ADGB: variants seen among roughly 807,000 people sequenced by gnomAD.
The protein encoded by ADGB is androglobin.
ADGB carries 172 observed loss-of-function variants against 210.5 expected under a neutral mutation model. That is an observed-to-expected ratio of 0.82 (90% CI 0.72 to 0.93). The LOEUF (loss-of-function observed/expected upper bound fraction) is 0.93, where lower values mean the gene tolerates loss of function less well. ADGB is among the 40% of genes least tolerant of loss of function. ADGB has a pLI of 0.00. For synonymous variants in ADGB, 658 were observed against 662.7 expected, an observed-to-expected ratio of 0.99 and a Z score of 0.11; for missense variants, 2,025 against 1,964.8, an observed-to-expected ratio of 1.03 and a Z score of -0.58.
chr6:146,676,673 G>A (rs998051292), intron 9 of ADGB, among the ~76,000 whole-genome samples: 2 of 152,204 alleles, frequency 1.3e-5, no homozygotes, highest in Admixed American at 6.6e-5. Flanking sequence ...GTATCCACAT[G>A]TGGGAGAGGC....
intron 35 of ADGB, among the ~76,000 whole-genome samples, chr6:146,811,896 G>A (rs1247718037): frequency 4.6e-5 from 7 of 151,964 alleles, no homozygotes; most frequent in Admixed American, 3.9e-4. Flanking sequence ...GGCTGATCTC[G>A]AACTCCTGAC....
At chr6:146,706,341 C>G in intron 13 of ADGB, among the ~76,000 whole-genome samples, 1 of 151,468 alleles carries the variant, frequency 6.6e-6, no homozygotes, top group South Asian at 2.1e-4. Flanking sequence ...GTCACTGCAA[C>G]CTCTGCCTCC....
At chr6:146,792,819 C>T (rs1777972155) in intron 33 of ADGB, among the ~76,000 whole-genome samples, 1 of 152,190 alleles carries the variant, frequency 6.6e-6, no homozygotes, top group Non-Finnish European at 1.5e-5. Context: ...ATTTCTCAAA[C>T]ACTTGAAAAC....
chr6:146,599,236 C>A, intron 1 of ADGB, 122 bp downstream of exon 1: 2 of 845,848 alleles, frequency 2.4e-6, no homozygotes, highest in Non-Finnish European at 3.9e-6. Flanking sequence ...CTCCTCGCAG[C>A]TTGTCTTCTC....
intron 13 of ADGB, 71 bp from the exon 14 acceptor site, chr6:146,715,311 T>C: frequency 8.1e-7 from 1 of 1,238,430 alleles, no homozygotes. Flanking sequence ...ATTAGCTCTT[T>C]TAGTAACTTT....
At chr6:146,686,787 G>T (rs1231825740) in intron 10 of ADGB, among the ~76,000 whole-genome samples, 6 of 152,092 alleles carry the variant, frequency 3.9e-5, no homozygotes, top group Non-Finnish European at 8.8e-5. Context: ...GGATTTCATA[G>T]TCTGAAGTCA....
chr6:146,702,324 G>C (rs550828858), intron 13 of ADGB, among the ~76,000 whole-genome samples: 1 of 151,912 alleles, frequency 6.6e-6, no homozygotes, highest in Non-Finnish European at 1.5e-5. Context: ...TGCTAATGTG[G>C]TGGGTATAAA....
chr6:146,812,377 C>T (rs186448035), intron 35 of ADGB, among the ~76,000 whole-genome samples: 1 of 152,202 alleles, frequency 6.6e-6, no homozygotes, highest in African/African-American at 2.4e-5. Context: ...ACATAAAACA[C>T]GAGTCACAGA....
chr6:146,626,755 A>C (rs1187822421), intron 1 of ADGB, among the ~76,000 whole-genome samples: 1 of 150,288 alleles, frequency 6.7e-6, no homozygotes, highest in Non-Finnish European at 1.5e-5. Flanking sequence ...GGTTTTTTTC[A>C]GTCTTTCTCG....
intron 13 of ADGB, 136 bp downstream of exon 13, chr6:146,701,206 A>G (rs368181895): frequency 4.9e-6 from 5 of 1,010,914 alleles, no homozygotes; most frequent in African/African-American, 3.3e-5. Context: ...GTTAAAATAA[A>G]TCTCTTATGT....
intron 9 of ADGB, among the ~76,000 whole-genome samples, chr6:146,680,616 A>G (rs1416651903): frequency 6.6e-6 from 1 of 152,126 alleles, no homozygotes; most frequent in Non-Finnish European, 1.5e-5. Flanking sequence ...TAAAACTGGA[A>G]CCTGCGACAA....
intron 18 of ADGB, chr6:146,724,989 A>G (rs978586928): frequency 1.3e-5 from 2 of 152,208 alleles, no homozygotes; most frequent in Non-Finnish European, 2.9e-5. Flanking sequence ...CCCAAGATCA[A>G]TCATGCTAAT....
chr6:146,695,878 G>C (rs918195723), intron 12 of ADGB, among the ~76,000 whole-genome samples: 1 of 151,840 alleles, frequency 6.6e-6, no homozygotes, highest in Non-Finnish European at 1.5e-5. Flanking sequence ...TAACTAAGTG[G>C]CATTTTCTTT....
chr6:146,666,493 A>G (rs991183809), intron 6 of ADGB, among the ~76,000 whole-genome samples: 1 of 152,034 alleles, frequency 6.6e-6, no homozygotes, highest in Non-Finnish European at 1.5e-5. Context: ...TAAAAGAAGT[A>G]TACAAAAATG....
chr6:146,661,093 A>T (rs543168658), intron 5 of ADGB, among the ~76,000 whole-genome samples: 1 of 152,200 alleles, frequency 6.6e-6, no homozygotes, highest in East Asian at 1.9e-4. Flanking sequence ...ATCACAGTCA[A>T]CTAGTATCAT....
rs542214081 is a variant in ADGB, at chr6:146,765,683, C to T, written c.3750+1583C>T. 1.8e-3 allele frequency among the ~76,000 whole-genome samples: 266 copies of T among 150,952 alleles called. 1 individual carries two copies. The highest frequency in any genetic ancestry group is 6.0e-3 in the African/African-American group (246 of 41,340). Reference sequence around the variant, plus strand: ...GAAATACATAAGATTCAATAACAATCCAAATTTGTAAACAACATCTAAAAT... The same window carrying T: ...GAAATACATAAGATTCAATAACAATTCAAATTTGTAAACAACATCTAAAAT... On this transcript the variant is annotated intron_variant, in intron 28 of 35. Coordinates refer to ENST00000397944, the MANE Select transcript of ADGB (RefSeq NM_024694.4).
At chr6:146,783,452 TCAC>T (rs1301959775) in intron 30 of ADGB, among the ~76,000 whole-genome samples, 3 of 152,278 alleles carry the variant, frequency 2.0e-5, no homozygotes, top group Non-Finnish European at 4.4e-5. Flanking sequence ...CTTAGTACCT[TCAC>T]AGTGCTCCCT....
chr6:146,696,755 T>C (rs1776409833), intron 12 of ADGB, among the ~76,000 whole-genome samples: 1 of 152,084 alleles, frequency 6.6e-6, no homozygotes, highest in Admixed American at 6.6e-5. Flanking sequence ...TGCAAGCTGG[T>C]GAGAGATTAA....
chr6:146,653,414 G>A (rs959483107), intron 3 of ADGB, among the ~76,000 whole-genome samples: 3 of 151,974 alleles, frequency 2.0e-5, no homozygotes, highest in Admixed American at 2.0e-4. Flanking sequence ...AAAAGGTTGG[G>A]GACCACTGTT....
Sources: allele counts gnomAD v4.1 joint callset (sites outside exome capture counted in the v4.1 genomes callset), GRCh38; gene constraint gnomAD v4.1.1; transcripts MANE v1.5; gene names NCBI Gene and HGNC (gene_info 2026-07-23, HGNC 2026-07-21).